The following WWOX variants were observed in gnomAD, a reference collection of about 807,000 sequenced individuals.
WWOX encodes the protein WW domain containing oxidoreductase, also known as WW domain-containing oxidoreductase.
WWOX carries 69 observed loss-of-function variants against 46.2 expected under a neutral mutation model. The ratio of observed to expected loss-of-function variants is 1.49; its 90% CI spans 1.23 to 1.82. The LOEUF (loss-of-function observed/expected upper bound fraction) is 1.82. Ranked by LOEUF, WWOX falls within the 40% of genes most tolerant of loss-of-function variation. WWOX has a pLI of 0.00. For synonymous variants in WWOX, 359 were observed against 202.6 expected (o/e 1.77, Z -6.56); for missense variants, 919 against 542.6 (o/e 1.69, Z -6.89).
chr16:78,825,009 C>A (rs970266979), intron 8 of WWOX, among the ~76,000 whole-genome samples: 1 of 152,144 alleles, frequency 6.6e-6, no homozygotes, highest in Non-Finnish European at 1.5e-5. Flanking sequence ...AAACAAAGTG[C>A]TCTGTGGTTT....
At chr16:78,440,625 C>CTT (rs749795340) in intron 8 of WWOX, among the ~76,000 whole-genome samples, 4 of 126,482 alleles carry the variant, frequency 3.2e-5, no homozygotes, top group African/African-American at 6.8e-5. Flanking sequence ...TTTTTTTTTT[C>CTT]TTTTTTTTTG....
intron 8 of WWOX, among the ~76,000 whole-genome samples, chr16:79,087,514 A>G (rs2048875505): frequency 6.6e-6 from 1 of 151,994 alleles, no homozygotes; most frequent in South Asian, 2.1e-4. Flanking sequence ...ACCCTGTGCT[A>G]GAACAACAAG....
intron 8 of WWOX, among the ~76,000 whole-genome samples, chr16:78,886,280 T>A (rs1597106455): frequency 6.6e-6 from 1 of 151,488 alleles, no homozygotes; most frequent in Admixed American, 6.6e-5. Flanking sequence ...TGGTATTTTT[T>A]CTTTAAAAAA....
At chr16:78,643,180 G>C (rs2142120022) in intron 8 of WWOX, among the ~76,000 whole-genome samples, 1 of 152,260 alleles carries the variant, frequency 6.6e-6, no homozygotes, top group East Asian at 1.9e-4. Context: ...TGTAATATTT[G>C]CAGCATGTCT....
At chr16:79,147,266 C>A (rs576390347) in intron 8 of WWOX, among the ~76,000 whole-genome samples, 1 of 152,202 alleles carries the variant, frequency 6.6e-6, no homozygotes, top group Non-Finnish European at 1.5e-5. Flanking sequence ...CCTGCCTCAT[C>A]CCTGACCCCT....
At chr16:78,406,626 A>ATT (rs545938474) in intron 6 of WWOX, among the ~76,000 whole-genome samples, 6,598 of 129,344 alleles carry the variant, frequency 0.051, 221 homozygotes, top group South Asian at 0.16. Flanking sequence ...TGGGATATAC[A>ATT]TTTTTTTTTT....
intron 8 of WWOX, among the ~76,000 whole-genome samples, chr16:78,973,170 T>G (rs914075486): frequency 2.6e-5 from 4 of 152,202 alleles, no homozygotes; most frequent in African/African-American, 9.6e-5. Flanking sequence ...TCCGCCTTTA[T>G]GAAGGAGTGA....
At chr16:78,992,903 T>C (rs1044773074) in intron 8 of WWOX, among the ~76,000 whole-genome samples, 2 of 151,824 alleles carry the variant, frequency 1.3e-5, no homozygotes, top group Admixed American at 6.6e-5. Context: ...TTTTAGTTTA[T>C]GAAAAAATAT....
chr16:78,848,446 T>C (rs1245166925), intron 8 of WWOX, among the ~76,000 whole-genome samples: 1 of 151,996 alleles, frequency 6.6e-6, no homozygotes, highest in Non-Finnish European at 1.5e-5. Context: ...AGGCTCTGAG[T>C]GTTTATCAGC....
intron 8 of WWOX, among the ~76,000 whole-genome samples, chr16:78,992,238 C>A (rs376456707): frequency 3.0e-4 from 45 of 152,188 alleles, no homozygotes; most frequent in African/African-American, 1.0e-3. Context: ...CTTTGGTCAC[C>A]CCTTCTGTAA....
At position 78,675,794 on chromosome 16, in the gene WWOX, C is replaced by T. The variant is rs540664710; in HGVS notation, c.1056+243042C>T. Among the ~76,000 whole-genome samples the T allele has an allele frequency of 5.3e-5, 8 of 152,164 alleles. No homozygotes were observed. In the South Asian group the frequency reaches 8.3e-4, roughly 16 times the overall value. ...TTTGAGACCAGCCTGGGCAACATAG[C>T]GAGACCTTGTCTGTACTAAAAAATT... On this transcript the variant is annotated intron_variant, in intron 8 of 8. Coordinates refer to ENST00000566780, the MANE Select transcript of WWOX (RefSeq NM_016373.4).
chr16:79,104,037 T>TGGGGGGGG (rs58934537), intron 8 of WWOX, among the ~76,000 whole-genome samples: 12 of 38,382 alleles, frequency 3.1e-4, no homozygotes, highest in Middle Eastern at 0.018. Context: ...TGCCCTTTTT[T>TGGGGGGGG]GGGGGGGGGG....
chr16:78,379,203 T>TA (rs1567536601), intron 5 of WWOX, among the ~76,000 whole-genome samples: 2 of 152,210 alleles, frequency 1.3e-5, no homozygotes. Flanking sequence ...ACATGCAAAT[T>TA]AGAGCTTTTT....
intron 8 of WWOX, among the ~76,000 whole-genome samples, chr16:78,975,509 G>A (rs896752143): frequency 2.7e-5 from 4 of 150,662 alleles, no homozygotes; most frequent in Admixed American, 1.3e-4. Flanking sequence ...TTTGAGATAC[G>A]ACTTTCCTAA....
intron 8 of WWOX, among the ~76,000 whole-genome samples, chr16:78,527,241 G>C (rs1357487312): frequency 6.6e-6 from 1 of 151,708 alleles, no homozygotes; most frequent in Non-Finnish European, 1.5e-5. Flanking sequence ...ATTCTTCTAA[G>C]CTGGTAGCAG....
At chr16:79,059,696 A>T (rs572265916) in intron 8 of WWOX, among the ~76,000 whole-genome samples, 1 of 152,060 alleles carries the variant, frequency 6.6e-6, no homozygotes, top group Non-Finnish European at 1.5e-5. Flanking sequence ...GGGTTTCACT[A>T]TGTTGGCCAG....
intron 8 of WWOX, among the ~76,000 whole-genome samples, chr16:78,474,684 C>G (rs1184533719): frequency 6.6e-6 from 1 of 152,100 alleles, no homozygotes; most frequent in Non-Finnish European, 1.5e-5. Flanking sequence ...AGTCAGTTTT[C>G]TTACCTGAAG....
intron 8 of WWOX, among the ~76,000 whole-genome samples, chr16:79,071,690 C>T (rs937090450): frequency 2.0e-5 from 3 of 152,234 alleles, no homozygotes; most frequent in Admixed American, 6.5e-5. Context: ...CCCCGCATTC[C>T]CCTTCACGTT....
chr16:78,490,477 A>C (rs1015097672), intron 8 of WWOX, among the ~76,000 whole-genome samples: 5 of 152,140 alleles, frequency 3.3e-5, no homozygotes, highest in African/African-American at 4.8e-5. Context: ...AGTTCCCGCA[A>C]ATCTATTTAC....
Sources: allele counts gnomAD v4.1 joint callset (sites outside exome capture counted in the v4.1 genomes callset), GRCh38; gene constraint gnomAD v4.1.1; transcripts MANE v1.5; gene names NCBI Gene and HGNC (gene_info 2026-07-23, HGNC 2026-07-21).